SUMF1: variants seen among roughly 807,000 people sequenced by gnomAD.
SUMF1 encodes sulfatase modifying factor 1.
In SUMF1, 48 loss-of-function variants were observed where a neutral mutation model predicts 47.6. That is an observed-to-expected ratio of 1.01 (90% CI 0.80 to 1.28). The LOEUF (loss-of-function observed/expected upper bound fraction) is 1.28, where lower values mean the gene tolerates loss of function less well. Ranked by LOEUF, SUMF1 falls within the 50% of genes most tolerant of loss-of-function variation. SUMF1 has a pLI of 0.00. For missense variants in SUMF1, 571 were observed against 485.4 expected, an observed-to-expected ratio of 1.18 and a Z score of -1.66; for synonymous variants, 230 against 192.1, an observed-to-expected ratio of 1.20 and a Z score of -1.63.
At chr3:4,066,585 A>G (rs575070926) in intron 9 of SUMF1, among the ~76,000 whole-genome samples, 106 of 152,122 alleles carry the variant, frequency 7.0e-4, no homozygotes, top group Non-Finnish European at 1.3e-3. Flanking sequence ...TGCCAGACCC[A>G]TTATTCCTCC....
At chr3:4,041,767 AC>A (rs1489206866) in intron 9 of SUMF1, among the ~76,000 whole-genome samples, 1 of 152,206 alleles carries the variant, frequency 6.6e-6, no homozygotes, top group Admixed American at 6.5e-5. Flanking sequence ...GCTGTGTGCT[AC>A]CTGCATGAGC....
chr3:4,143,077 G>A (rs1041527520), intron 8 of SUMF1, among the ~76,000 whole-genome samples: 2 of 152,058 alleles, frequency 1.3e-5, no homozygotes, highest in African/African-American at 2.4e-5. Context: ...CCTGAGCCTC[G>A]ATCGGCTATT....
intron 3 of SUMF1, among the ~76,000 whole-genome samples, chr3:4,435,441 C>A (rs1375431660): frequency 6.6e-6 from 1 of 152,022 alleles, no homozygotes; most frequent in Non-Finnish European, 1.5e-5. Context: ...CATTTATGCA[C>A]TGGAGTCCCA....
intron 8 of SUMF1, among the ~76,000 whole-genome samples, chr3:4,125,135 AT>A (rs1199700997): frequency 6.6e-6 from 1 of 152,174 alleles, no homozygotes; most frequent in Non-Finnish European, 1.5e-5. Context: ...TTTATTAAAA[AT>A]TTGTAGATAG....
At chr3:4,251,685 C>G (rs947015975) in intron 8 of SUMF1, among the ~76,000 whole-genome samples, 2 of 152,200 alleles carry the variant, frequency 1.3e-5, no homozygotes, top group Non-Finnish European at 2.9e-5. Context: ...AGGCTTCTCT[C>G]TAGCTTTGAA....
intron 8 of SUMF1, among the ~76,000 whole-genome samples, chr3:4,091,675 T>C (rs7651275): frequency 0.11 from 16,136 of 151,976 alleles, 1,617 homozygotes; most frequent in African/African-American, 0.24. Context: ...TGTACTAGAA[T>C]CAAAAGGAAA....
At chr3:4,103,118 TC>T (rs1223497284) in intron 8 of SUMF1, among the ~76,000 whole-genome samples, 3 of 151,620 alleles carry the variant, frequency 2.0e-5, no homozygotes, top group Non-Finnish European at 4.4e-5. Context: ...AGATGGGGTT[TC>T]CCTATGTTGG....
At chr3:4,288,396 G>C (rs1697677580) in intron 8 of SUMF1, among the ~76,000 whole-genome samples, 1 of 152,092 alleles carries the variant, frequency 6.6e-6, no homozygotes, top group Non-Finnish European at 1.5e-5. Flanking sequence ...AAAGCTTTTG[G>C]ATAGATGTAA....
Position 4,417,131 on chromosome 3 carries a change from C to G in SUMF1, c.837G>C (p.Ala279=). 6.2e-7 allele frequency: 1 copy of G among 1,613,836 alleles called. No homozygotes were observed. Among genetic ancestry groups the G allele is most frequent in the Non-Finnish European group, 8.5e-7 (1 of 1,179,792 alleles). Residue 279 remains alanine, a synonymous_variant, in exon 6 of 9, where the codon GCG becomes GCC. Transcript: ENST00000272902. ...NTGEDGFQGT[A]PVDAFPPNGY... is the part of the protein sequence containing the mutation. ...CTGCAGAGGTCTCATTACTCACAGG[C>G]GCAGTTCCTTGGAAGCCATCCTCAC...
chr3:4,304,651 C>T (rs1232139839), intron 8 of SUMF1, among the ~76,000 whole-genome samples: 3 of 152,196 alleles, frequency 2.0e-5, no homozygotes, highest in Non-Finnish European at 2.9e-5. Context: ...CTTTAACATC[C>T]ATTATCAACA....
At chr3:4,423,787 G>A (rs571074305) in intron 3 of SUMF1, among the ~76,000 whole-genome samples, 22 of 152,048 alleles carry the variant, frequency 1.4e-4, no homozygotes, top group Non-Finnish European at 3.1e-4. Flanking sequence ...GAATTGCTTG[G>A]GCCGTCCCCT....
chr3:4,442,394 T>C (rs1186253815), intron 3 of SUMF1, among the ~76,000 whole-genome samples: 2 of 139,988 alleles, frequency 1.4e-5, no homozygotes, highest in African/African-American at 5.1e-5. Context: ...TAGCTGGGAC[T>C]ACAGGCGCCC....
chr3:4,057,591 G>T (rs1695214455), intron 9 of SUMF1, among the ~76,000 whole-genome samples: 1 of 152,120 alleles, frequency 6.6e-6, no homozygotes, highest in African/African-American at 2.4e-5. Context: ...CTTTAAAATA[G>T]AAAGGAGAAT....
At chr3:4,225,367 G>C (rs1172985759) in intron 8 of SUMF1, among the ~76,000 whole-genome samples, 1 of 152,044 alleles carries the variant, frequency 6.6e-6, no homozygotes, top group East Asian at 1.9e-4. Context: ...AGGTTGTTTT[G>C]AGCAAGCAAG....
At chr3:4,228,740 T>C (rs891752200) in intron 8 of SUMF1, among the ~76,000 whole-genome samples, 1 of 152,118 alleles carries the variant, frequency 6.6e-6, no homozygotes, top group African/African-American at 2.4e-5. Context: ...AACCCTGACA[T>C]ATCAATTCTT....
intron 8 of SUMF1, among the ~76,000 whole-genome samples, chr3:4,373,299 G>A (rs1212556014): frequency 1.3e-5 from 2 of 151,894 alleles, no homozygotes; most frequent in Non-Finnish European, 1.5e-5. Flanking sequence ...AAAAATAAAT[G>A]GTCTAAACAC....
Position 4,418,052 on chromosome 3 carries a change from T to C in SUMF1, c.683A>G (p.Glu228Gly). 6.2e-7 allele frequency: 1 copy of C among 1,614,076 alleles called. No individual in the cohort carries two copies. Among genetic ancestry groups the C allele is most frequent in the Admixed American group, 1.7e-5 (1 of 60,024 alleles). Residue 228 changes from glutamate to glycine, a missense_variant, in exon 5 of 9, where the codon GAA (glutamate) becomes GGA (glycine). Glu to Gly is a moderately conservative substitution (Grantham distance 98). Coordinates refer to ENST00000272902, the MANE Select transcript of SUMF1 (RefSeq NM_182760.4). The part of the protein sequence containing the change: ...CTWAGKRLPT[E>G]AEWEYSCRGG... ...TCGACAGCTGTATTCCCACTCAGCT[T>C]CCGTGGGCAGCCGCTTCCCTGCCCA...
At chr3:4,202,243 G>C (rs1003367622) in intron 8 of SUMF1, among the ~76,000 whole-genome samples, 1 of 151,926 alleles carries the variant, frequency 6.6e-6, no homozygotes, top group African/African-American at 2.4e-5. Flanking sequence ...TGAAGTCTTA[G>C]ACTTAAATCT....
At chr3:4,151,587 ACATG>A (rs1303048573) in intron 8 of SUMF1, among the ~76,000 whole-genome samples, 2 of 148,278 alleles carry the variant, frequency 1.3e-5, no homozygotes, top group African/African-American at 5.0e-5. Flanking sequence ...ACACACACAC[ACATG>A]CAAGTATATA....
Sources: gnomAD v4.1 joint callset for allele counts (sites outside exome capture counted in the v4.1 genomes callset) on GRCh38, gnomAD v4.1.1 for gene constraint, MANE v1.5 for transcripts, NCBI Gene and HGNC (gene_info 2026-07-23, HGNC 2026-07-21) for gene names.